ADGRG4: variants seen among roughly 807,000 people sequenced by gnomAD.
ADGRG4 encodes the protein adhesion G protein-coupled receptor G4.
ADGRG4 carries 122 observed loss-of-function variants against 126.2 expected under a neutral mutation model. That is an observed-to-expected ratio of 0.97 (90% CI 0.83 to 1.12). The LOEUF (loss-of-function observed/expected upper bound fraction) is 1.12, where lower values mean the gene tolerates loss of function less well. ADGRG4 is among the 50% of genes most tolerant of loss of function. ADGRG4 has a pLI of 0.00. For synonymous variants in ADGRG4, 943 were observed against 838.7 expected (o/e 1.12, Z -2.15); for missense variants, 2,481 against 2,251.8 (o/e 1.10, Z -2.06).
rs186455041 is a variant in ADGRG4 at position 136,376,408 on chromosome X, G to T, written c.7776+3344G>T. On this transcript the variant is annotated intron_variant, in intron 15 of 25. Coordinates refer to ENST00000394143, the MANE Select transcript of ADGRG4 (RefSeq NM_153834.4). ...CTTTTTTGATTCCATATGAATTTTA[G>T]AATTTTTTTCTAGTTCTGTAAGAAT... 5.4e-5 allele frequency among the ~76,000 whole-genome samples: 6 copies of T among 110,793 alleles called. No homozygotes were observed. In the East Asian group the frequency reaches 1.4e-3, roughly 26 times the overall value.
At chrX:136,409,361 C>A (rs1029873820) in intron 23 of ADGRG4, among the ~76,000 whole-genome samples, 2 of 111,804 alleles carry the variant, frequency 1.8e-5, no homozygotes, top group African/African-American at 6.5e-5. Flanking sequence ...AGCTGTCAGG[C>A]AGAGGGGGAG....
chrX:136,383,118 T>A (rs1267352900), intron 15 of ADGRG4, among the ~76,000 whole-genome samples: 1 of 111,944 alleles, frequency 8.9e-6, no homozygotes, highest in African/African-American at 3.3e-5. Flanking sequence ...ATGTTTCACA[T>A]GGACTTCAAA....
chrX:136,359,147 T>C (rs2075111945), intron 10 of ADGRG4, 145 bp from the exon 11 acceptor site: 2 of 494,384 alleles, frequency 4.0e-6, no homozygotes, highest in Non-Finnish European at 6.9e-6. Context: ...CATCACTTCT[T>C]AAGATTGGCT....
intron 13 of ADGRG4, among the ~76,000 whole-genome samples, chrX:136,370,003 G>T (rs1176483924): frequency 8.9e-6 from 1 of 111,883 alleles, no homozygotes; most frequent in Non-Finnish European, 1.9e-5. Context: ...AGGAAAAGGA[G>T]AAAGCAAAAA....
intron 24 of ADGRG4, among the ~76,000 whole-genome samples, chrX:136,413,123 A>G (rs1294402344): frequency 1.9e-5 from 2 of 107,773 alleles, no homozygotes; most frequent in African/African-American, 6.8e-5. Flanking sequence ...GTTTTAGGGT[A>G]CATGTGCACA....
chrX:136,387,920 C>T (rs1200896606), intron 16 of ADGRG4, 46 bp downstream of exon 16: 3 of 1,107,677 alleles, frequency 2.7e-6, no homozygotes, highest in East Asian at 6.1e-5. Context: ...CATATGGTGA[C>T]TCATTGTAAT....
chrX:136,412,607 A>G (rs1272524667), intron 24 of ADGRG4, among the ~76,000 whole-genome samples: 12 of 111,627 alleles, frequency 1.1e-4, no homozygotes, highest in African/African-American at 3.9e-4. Context: ...TGGATTGCTT[A>G]CCTTCACTGT....
intron 15 of ADGRG4, among the ~76,000 whole-genome samples, chrX:136,385,848 C>T (rs2075289972): frequency 9.0e-6 from 1 of 111,532 alleles, no homozygotes; most frequent in African/African-American, 3.3e-5. Context: ...GGAAGTATGT[C>T]CTGTACATAT....
rs1180996817 is a variant in ADGRG4, at chrX:136,344,519, T to C, written c.813T>C (p.Ser271=). The change falls in exon 6 of 26, where the codon TCT becomes TCC. Residue 271 remains serine, a synonymous_variant. Transcript: ENST00000394143. ...QNTAHSSTLL[S]QSIPIFATDY... is the part of the protein sequence containing the mutation. ...CTGCACATTCCTCTACACTATTGTC[T>C]CAAAGCATACCTATATTTGCAACTG... is the stretch of plus-strand genomic sequence containing the variant. 1.7e-6 allele frequency: 2 copies of C among 1,206,096 alleles called. No individual in the cohort carries two copies. Among genetic ancestry groups the C allele is most frequent in the Non-Finnish European group, 1.1e-6 (1 of 891,939 alleles).
In ADGRG4 at chrX:136,344,925, A is replaced by T. The variant is rs2075003077; in HGVS notation, c.1219A>T (p.Ile407Phe). 1 of 1,208,274 alleles carries T rather than the reference A, an allele frequency of 8.3e-7. No individual in the cohort carries two copies. The highest frequency in any genetic ancestry group is 1.1e-6 in the Non-Finnish European group (1 of 893,376). ...VTKTTSLFST[I>F]ESTSMSTTPC... ...GAAGACAACATCTTTATTTTCAACT[A>T]TTGAGTCAACATCTATGTCTACAAC... Residue 407 changes from isoleucine to phenylalanine, a missense_variant, in exon 6 of 26, where the codon ATT becomes TTT. Coordinates refer to ENST00000394143, the MANE Select transcript of ADGRG4 (RefSeq NM_153834.4).
chrX:136,356,034 C>T, intron 8 of ADGRG4, 92 bp from the exon 9 acceptor site: 2 of 555,099 alleles, frequency 3.6e-6, no homozygotes. Flanking sequence ...GTCTACTGTT[C>T]TGCCTCAGAG....
At chrX:136,355,358 G>T (rs1207791782) in intron 8 of ADGRG4, among the ~76,000 whole-genome samples, 1 of 111,067 alleles carries the variant, frequency 9.0e-6, no homozygotes, top group Non-Finnish European at 1.9e-5. Flanking sequence ...TCACACTGGG[G>T]ATTGGACTTC....
At chrX:136,364,890 G>T (rs2075149627) in intron 13 of ADGRG4, among the ~76,000 whole-genome samples, 1 of 111,463 alleles carries the variant, frequency 9.0e-6, no homozygotes, top group African/African-American at 3.3e-5. Flanking sequence ...GAGAAAGTAG[G>T]GGTATACCTA....
In ADGRG4 at chrX:136,348,019, A is replaced by G. The variant is rs1334057399; in HGVS notation, c.4313A>G (p.His1438Arg). The change falls in exon 6 of 26, where the codon CAC (histidine) becomes CGC (arginine). Residue 1438 changes from histidine (H) to arginine (R), a missense_variant. Coordinates refer to ENST00000394143, the MANE Select transcript of ADGRG4 (RefSeq NM_153834.4). ...ATGGACATCAATACAACTTTTTCAC[A>G]CTTGCATTCACTTAGGACACAACCT... ...NPMDINTTFS[H>R]LHSLRTQPEV... is the part of the protein sequence containing the mutation. 7.6e-5 allele frequency: 92 copies of G among 1,208,765 alleles called. No homozygotes were observed. Among genetic ancestry groups the G allele is most frequent in the Non-Finnish European group, 1.0e-4 (91 of 894,217 alleles).
chrX:136,409,180 G>A lies in ADGRG4; in HGVS notation c.8936-3085G>A, dbSNP rs147042735. Reference sequence around the variant, plus strand: ...ACAAGCTTGCAATGCTGGCTGAAGGGGATGGGGGCGACCTGTGGTCAAGTG... The same window carrying A: ...ACAAGCTTGCAATGCTGGCTGAAGGAGATGGGGGCGACCTGTGGTCAAGTG... On this transcript the variant is annotated intron_variant, in intron 23 of 25. Coordinates refer to ENST00000394143, the MANE Select transcript of ADGRG4 (RefSeq NM_153834.4). Among the ~76,000 whole-genome samples, 161 of 111,603 alleles carry A rather than the reference G, an allele frequency of 1.4e-3. 1 individual carries two copies. The highest frequency in any genetic ancestry group is 4.6e-3 in the African/African-American group (142 of 30,715).
Position 136,323,263 on chromosome X carries a change from C to A in ADGRG4, c.556C>A (p.Gln186Lys), listed in dbSNP as rs773335401. ...CTTTCCTGGCAGCTTGTACTACTTT[C>A]AACTCTGGGACCACATCCTGGAAAA... ...RSFPGSLYYFQLWDHILENEE... is the reference protein window; with the variant it reads ...RSFPGSLYYFKLWDHILENEE... The change falls in exon 5 of 26, where the codon CAA becomes AAA. Residue 186 changes from glutamine (Q) to lysine (K), a missense_variant. By Grantham distance (53) the Gln-to-Lys change is moderately conservative. Transcript: ENST00000394143. 2.5e-6 allele frequency: 3 copies of A among 1,211,377 alleles called. No homozygotes were observed. Among genetic ancestry groups the A allele is most frequent in the Non-Finnish European group, 2.2e-6 (2 of 895,382 alleles).
At chrX:136,311,394 T>TAC (rs72201867) in intron 4 of ADGRG4, among the ~76,000 whole-genome samples, 3,575 of 95,374 alleles carry the variant, frequency 0.037, 61 homozygotes, top group East Asian at 0.063. Flanking sequence ...TCATACCATG[T>TAC]ACACACACAC....
chrX:136,360,475 G>A (rs1240271386), intron 11 of ADGRG4, among the ~76,000 whole-genome samples: 3 of 111,679 alleles, frequency 2.7e-5, no homozygotes, highest in Middle Eastern at 9.2e-3. Context: ...GTGTGCAGTG[G>A]CTTACACCTA....
intron 16 of ADGRG4, among the ~76,000 whole-genome samples, chrX:136,390,408 C>T (rs1315410869): frequency 3.6e-5 from 4 of 111,317 alleles, no homozygotes; most frequent in African/African-American, 1.3e-4. Flanking sequence ...CTCCTCCACA[C>T]CTCCTCTAGC....
Sources: allele counts gnomAD v4.1 joint callset (sites outside exome capture counted in the v4.1 genomes callset), GRCh38; gene constraint gnomAD v4.1.1; transcripts MANE v1.5; gene names NCBI Gene and HGNC (gene_info 2026-07-23, HGNC 2026-07-21).